The following EMILIN1 variants were observed in gnomAD, a reference collection of about 807,000 sequenced individuals.
The protein encoded by EMILIN1 is elastin microfibril interfacer 1, also known as EMILIN-1.
EMILIN1 carries 49 observed loss-of-function variants against 82.4 expected under a neutral mutation model. The ratio of observed to expected loss-of-function variants is 0.59; its 90% CI spans 0.47 to 0.75. The LOEUF (loss-of-function observed/expected upper bound fraction) is 0.75. Ranked by LOEUF, EMILIN1 falls within the 30% of genes least tolerant of loss-of-function variation. The pLI is 0.00. For missense variants in EMILIN1, 1,313 were observed against 1,366.4 expected, an observed-to-expected ratio of 0.96 and a Z score of 0.62; for synonymous variants, 604 against 602.2, an observed-to-expected ratio of 1.00 and a Z score of -0.04.
rs1264733772 is a variant in EMILIN1 at position 27,082,466 on chromosome 2, C to A, written c.895C>A (p.Gln299Lys). Residue 299 changes from glutamine (Q) to lysine (K), a missense_variant, in exon 4 of 8, where the codon CAG becomes AAG. Transcript: ENST00000380320. ...GCTGCGGCAGCTGGAGCAGCGGTTGCAGGAGTCCTGCTCCGTGTGCCTGGC... is the reference window on the plus strand; with the variant it reads ...GCTGCGGCAGCTGGAGCAGCGGTTGAAGGAGTCCTGCTCCGTGTGCCTGGC... ...ELLRQLEQRL[Q>K]ESCSVCLAGL... 6.4e-7 allele frequency: 1 copy of A among 1,565,280 alleles called. No individual in the cohort carries two copies. The highest frequency in any genetic ancestry group is 8.6e-7 in the Non-Finnish European group (1 of 1,158,006).
Position 27,083,154 on chromosome 2 carries a change from G to T in EMILIN1, c.1583G>T (p.Arg528Leu). The change falls in exon 4 of 8, where the codon CGG becomes CTG. Residue 528 changes from arginine to leucine, a missense_variant. Physicochemically the swap from Arg to Leu is moderately radical, Grantham distance 102. Coordinates refer to ENST00000380320, the MANE Select transcript of EMILIN1 (RefSeq NM_007046.4). ...ACGGTGGAAGCAGCGGGGGAGGCCC[G>T]GCAGGCCACGCTGGAGGGATTACAA... ...LHTVEAAGEA[R>L]QATLEGLQEV... The T allele has an allele frequency of 6.2e-7, 1 of 1,600,928 alleles. No homozygotes were observed. Among genetic ancestry groups the T allele is most frequent in the Non-Finnish European group, 8.5e-7 (1 of 1,172,628 alleles).
intron 1 of EMILIN1, among the ~76,000 whole-genome samples, chr2:27,079,830 C>A (rs980470488): frequency 5.3e-5 from 8 of 152,356 alleles, no homozygotes; most frequent in Admixed American, 3.9e-4. Flanking sequence ...GCATGCCAAT[C>A]TGGGGACTGA....
In EMILIN1 at chr2:27,083,389, G is replaced by C; in HGVS notation, c.1818G>C (p.Leu606=). ...RDGVERCSCP[L]LPPRGPGAGP... is the part of the protein sequence containing the mutation. ...GTGTGGAGCGCTGCTCCTGCCCCCT[G>C]TTGCCTCCTCGGGGTCCTGGGGCTG... Residue 606 remains leucine, a synonymous_variant, in exon 4 of 8, where the codon CTG becomes CTC. Transcript: ENST00000380320. 6.2e-7 allele frequency: 1 copy of C among 1,612,190 alleles called. No homozygotes were observed.
chr2:27,079,485 G>A (rs915476822), intron 1 of EMILIN1, among the ~76,000 whole-genome samples: 1 of 152,144 alleles, frequency 6.6e-6, no homozygotes, highest in African/African-American at 2.4e-5. Context: ...GAGGGGAGCG[G>A]GCCAGGCCTT....
chr2:27,085,291 G>T lies in EMILIN1; in HGVS notation c.2707G>T (p.Glu903Ter). The change falls in exon 7 of 8, where the codon GAG becomes TAG. Residue 903 changes from glutamate (E) to a stop codon, truncating the protein, a stop_gained. Coordinates refer to ENST00000380320, the MANE Select transcript of EMILIN1 (RefSeq NM_007046.4). LOFTEE classifies it high-confidence loss of function. ...CAATGATGGAGGCTATTATGATCCA[G>T]AGACAGGTAGTCCTGGGAGGGGCTG... ...LLNDGGYYDP[E>*]TGVFTAPLAG... 6.2e-7 allele frequency: 1 copy of T among 1,614,036 alleles called. No homozygotes were observed.
intron 3 of EMILIN1, among the ~76,000 whole-genome samples, chr2:27,081,795 C>T (rs1176880213): frequency 6.6e-6 from 1 of 152,232 alleles, no homozygotes; most frequent in African/African-American, 2.4e-5. Flanking sequence ...TTTATTAAAC[C>T]TGTGATCCAT....
chr2:27,085,516 C>T (rs752487899), intron 7 of EMILIN1, among the ~76,000 whole-genome samples, 162 bp from the exon 8 acceptor site: 2 of 152,246 alleles, frequency 1.3e-5, no homozygotes, highest in Admixed American at 6.5e-5. Context: ...TGCCCAGGCA[C>T]TGTTTTAAGT....
intron 3 of EMILIN1, among the ~76,000 whole-genome samples, chr2:27,081,226 G>A (rs1316912383): frequency 1.3e-5 from 2 of 152,078 alleles, no homozygotes; most frequent in African/African-American, 4.8e-5. Flanking sequence ...CCAAAAAAGA[G>A]AAGGTGCTCG....
Position 27,085,307 on chromosome 2 carries a change from G to T in EMILIN1, c.2713+10G>T. The T allele has an allele frequency of 1.2e-6, 2 of 1,613,938 alleles. No individual in the cohort carries two copies. The highest frequency in any genetic ancestry group is 1.7e-6 in the Non-Finnish European group (2 of 1,180,022). ...TATGATCCAGAGACAGGTAGTCCTG[G>T]GAGGGGCTGGGTTGAACGGTTGGAG... On this transcript the variant is annotated intron_variant, in intron 7 of 7. Coordinates refer to ENST00000380320, the MANE Select transcript of EMILIN1 (RefSeq NM_007046.4).
Position 27,083,979 on chromosome 2 carries a change from G to A in EMILIN1, c.2408G>A (p.Arg803His), listed in dbSNP as rs534098431. ...AGCTCCCTGCAGCTCCTGGAGGACC[G>A]TCTGCACCAGCTCAGCCTGAAGGAC... ...LNSSLQLLED[R>H]LHQLSLKDLT... The change falls in exon 4 of 8, where the codon CGT (arginine) becomes CAT (histidine). Residue 803 changes from arginine (R) to histidine (H), a missense_variant. Arg to His is a conservative substitution (Grantham distance 29, BLOSUM62 0). Transcript: ENST00000380320. 3.7e-5 allele frequency: 57 copies of A among 1,537,332 alleles called. No individual in the cohort carries two copies. Among genetic ancestry groups the A allele is most frequent in the Non-Finnish European group, 4.3e-5 (49 of 1,137,992 alleles).
In EMILIN1 at chr2:27,086,179, C is replaced by T; in HGVS notation, c.*164C>T. ...GGCCTCTCCCCACGCCCGGGGCGCG[C>T]CGGCTCAGGGAGGCTCGGGGCCGCC... On this transcript the variant is annotated 3_prime_UTR_variant, in exon 8 of 8. Transcript: ENST00000380320. The T allele has an allele frequency of 2.2e-6, 1 of 455,382 alleles. No individual in the cohort carries two copies. The highest frequency in any genetic ancestry group is 3.6e-5 in the East Asian group (1 of 27,424). The allele number at this position is 455,382 out of a possible 1,614,324, so 28.2% of individuals were successfully genotyped here.
intron 1 of EMILIN1, 86 bp downstream of exon 1, chr2:27,079,321 T>TA (rs1669436440): frequency 8.5e-7 from 1 of 1,182,406 alleles, no homozygotes; most frequent in Non-Finnish European, 1.2e-6. Flanking sequence ...CTGTGTCCGC[T>TA]AATGCAGGGC....
intron 1 of EMILIN1, 127 bp downstream of exon 1, chr2:27,079,362 T>A (rs1404905707): frequency 1.2e-6 from 1 of 823,292 alleles, no homozygotes; most frequent in Non-Finnish European, 1.8e-6. Context: ...ATCCATCAGG[T>A]GGCTCCTCAC....
At position 27,080,711 on chromosome 2, in the gene EMILIN1, GCCT is replaced by G; in HGVS notation, c.291-17_291-15del. 6.3e-7 allele frequency: 1 copy of G among 1,597,388 alleles called. No homozygotes were observed. Among genetic ancestry groups the G allele is most frequent in the Non-Finnish European group, 8.5e-7 (1 of 1,170,158 alleles). On this transcript the variant is annotated intron_variant, in intron 2 of 7. Coordinates refer to ENST00000380320, the MANE Select transcript of EMILIN1 (RefSeq NM_007046.4). ...TGACCGTACAGGGAGGAATAAAGAG[GCCT>G]CCTTCTGCCTCTGCCAGGTACCGCC...
Position 27,082,753 on chromosome 2 carries a change from A to T in EMILIN1, c.1182A>T (p.Gly394=). The T allele has an allele frequency of 1.3e-6, 2 of 1,541,034 alleles. No homozygotes were observed. The highest frequency in any genetic ancestry group is 1.7e-6 in the Non-Finnish European group (2 of 1,149,466). Residue 394 remains glycine, a synonymous_variant, in exon 4 of 8, where the codon GGA becomes GGT. Transcript: ENST00000380320. The part of the protein sequence containing the change: ...GTELGGAAGQ[G]GHPPGYTSLA... ...AGCTGGGAGGAGCCGCGGGGCAGGG[A>T]GGCCACCCCCCAGGCTACACCAGCT...
At chr2:27,081,943 C>CT (rs892090980) in intron 3 of EMILIN1, 140 bp from the exon 4 acceptor site, 1,661 of 1,060,576 alleles carry the variant, frequency 1.6e-3, no homozygotes, top group Non-Finnish European at 1.9e-3. Flanking sequence ...AATGGAGTTT[C>CT]TTTTTTTTTC....
Position 27,078,973 on chromosome 2 carries a change from C to A in EMILIN1, c.-93C>A. 2 of 1,018,732 alleles carry A rather than the reference C, an allele frequency of 2.0e-6. No individual in the cohort carries two copies. Among genetic ancestry groups the A allele is most frequent in the South Asian group, 1.8e-5 (1 of 56,378 alleles). The allele number at this position is 1,018,732 out of a possible 1,614,324, so 63.1% of individuals were successfully genotyped here. ...CTGGGACGGACGGGCCGGGCTCGGGCTGTCCTGTGGAGCAGCAGCATCCCC... is the reference window on the plus strand; with the variant it reads ...CTGGGACGGACGGGCCGGGCTCGGGATGTCCTGTGGAGCAGCAGCATCCCC... On this transcript the variant is annotated 5_prime_UTR_variant, in exon 1 of 8. In the 5' UTR this introduces an upstream ATG that the reference lacks. Transcript: ENST00000380320.
At position 27,083,995 on chromosome 2, in the gene EMILIN1, C is replaced by T. The variant is rs570625059; in HGVS notation, c.2424C>T (p.Ser808=). Residue 808 remains serine, a synonymous_variant, in exon 4 of 8, where the codon AGC becomes AGT. Coordinates refer to ENST00000380320, the MANE Select transcript of EMILIN1 (RefSeq NM_007046.4). ...TGGAGGACCGTCTGCACCAGCTCAG[C>T]CTGAAGGACCTCACTGGTGAGGGGA... ...QLLEDRLHQL[S]LKDLTGPAGE... 6.6e-6 allele frequency: 10 copies of T among 1,508,916 alleles called. No homozygotes were observed. Among genetic ancestry groups the T allele is most frequent in the Non-Finnish European group, 8.9e-6 (10 of 1,125,784 alleles). The allele number at this position is 1,508,916 out of a possible 1,614,324, so 93.5% of individuals were successfully genotyped here.
chr2:27,079,445 C>T (rs182398138), intron 1 of EMILIN1, among the ~76,000 whole-genome samples: 4 of 152,244 alleles, frequency 2.6e-5, no homozygotes, highest in East Asian at 3.9e-4. Flanking sequence ...CTAGGGGGTC[C>T]GCTCCCACAT....
Sources: allele counts gnomAD v4.1 joint callset (sites outside exome capture counted in the v4.1 genomes callset), GRCh38; gene constraint gnomAD v4.1.1; transcripts MANE v1.5; gene names NCBI Gene and HGNC (gene_info 2026-07-23, HGNC 2026-07-21).